Variants in SLC35D4 observed in about 807,000 individuals in gnomAD.
SLC35D4 encodes the protein solute carrier family 35 member D4, also known as UDP-N-acetylglucosamine transporter SLC35D4.
chr18:23,326,629 A>T, the SLC35D4 span, among the ~76,000 whole-genome samples: 1 of 152,196 alleles, frequency 6.6e-6, no homozygotes, highest in Non-Finnish European at 1.5e-5. Context: ...CACTGTCAAT[A>T]TTAAACAGAT....
chr18:23,373,270 G>A, the SLC35D4 span, among the ~76,000 whole-genome samples: 775 of 152,184 alleles, frequency 5.1e-3, 10 homozygotes, highest in African/African-American at 0.018. Flanking sequence ...AGCTGAGATC[G>A]TGCCACTCCA....
the SLC35D4 span, among the ~76,000 whole-genome samples, chr18:23,318,478 G>A: frequency 7.9e-5 from 12 of 152,066 alleles, no homozygotes; most frequent in African/African-American, 2.9e-4. Context: ...ATGTGCCATG[G>A]TCATATTTTA....
At chr18:23,351,052 A>G in the SLC35D4 span, among the ~76,000 whole-genome samples, 1 of 152,168 alleles carries the variant, frequency 6.6e-6, no homozygotes, top group Non-Finnish European at 1.5e-5. Context: ...CATGCCAGAA[A>G]TCAATATCTC....
At chr18:23,321,350 C>T in the SLC35D4 span, among the ~76,000 whole-genome samples, 1 of 152,064 alleles carries the variant, frequency 6.6e-6, no homozygotes, top group Non-Finnish European at 1.5e-5. Flanking sequence ...TTTTTTTATA[C>T]GTGCAAAAAC....
the SLC35D4 span, among the ~76,000 whole-genome samples, chr18:23,386,867 G>T: frequency 1.3e-5 from 2 of 152,194 alleles, no homozygotes; most frequent in Non-Finnish European, 2.9e-5. Context: ...CCTTGACAAG[G>T]TGAGGGGGGA....
chr18:23,411,543 AAG>A, the SLC35D4 span, among the ~76,000 whole-genome samples: 1 of 149,482 alleles, frequency 6.7e-6, no homozygotes, highest in African/African-American at 2.5e-5. Context: ...GAAAGAAAGA[AAG>A]AAAGAAAGGT....
chr18:23,391,563 C>T, the SLC35D4 span, among the ~76,000 whole-genome samples: 2 of 152,230 alleles, frequency 1.3e-5, no homozygotes, highest in Non-Finnish European at 2.9e-5. Context: ...TCATAACTCA[C>T]TGCAGACTCA....
chr18:23,279,106 A>T, the SLC35D4 span, among the ~76,000 whole-genome samples: 1 of 152,074 alleles, frequency 6.6e-6, no homozygotes, highest in African/African-American at 2.4e-5. Flanking sequence ...CTTCACAGAG[A>T]TTCAGGCTCC....
chr18:23,363,974 C>T, the SLC35D4 span, among the ~76,000 whole-genome samples: 1 of 152,182 alleles, frequency 6.6e-6, no homozygotes, highest in Admixed American at 6.5e-5. Context: ...TTTCATATGG[C>T]AAGCGGAGTG....
the SLC35D4 span, among the ~76,000 whole-genome samples, chr18:23,315,224 AAC>A: frequency 6.6e-6 from 1 of 152,184 alleles, no homozygotes; most frequent in Non-Finnish European, 1.5e-5. Flanking sequence ...CAATTTTTCA[AAC>A]ACAGTTTCCT....
chr18:23,274,274 A>G, the SLC35D4 span, among the ~76,000 whole-genome samples: 3 of 152,178 alleles, frequency 2.0e-5, no homozygotes, highest in Non-Finnish European at 2.9e-5. Context: ...CTGAGGCTCA[A>G]TGGGCCATTC....
the SLC35D4 span, among the ~76,000 whole-genome samples, chr18:23,313,911 G>A: frequency 2.0e-5 from 3 of 152,300 alleles, no homozygotes; most frequent in East Asian, 5.8e-4. Flanking sequence ...CCCAGGGAAG[G>A]GAGCTTTCTA....
chr18:23,265,616 A>G, the SLC35D4 span, among the ~76,000 whole-genome samples: 3 of 151,676 alleles, frequency 2.0e-5, no homozygotes, highest in Non-Finnish European at 4.4e-5. Context: ...CTGGCCTTGA[A>G]GCAGCCCAAT....
the SLC35D4 span, among the ~76,000 whole-genome samples, chr18:23,393,957 T>A: frequency 2.0e-5 from 3 of 152,318 alleles, no homozygotes; most frequent in South Asian, 6.2e-4. Context: ...TATTCATCCA[T>A]CAATGGGCAC....
At chr18:23,268,459 TG>T in the SLC35D4 span, among the ~76,000 whole-genome samples, 1 of 152,164 alleles carries the variant, frequency 6.6e-6, no homozygotes, top group Non-Finnish European at 1.5e-5. Flanking sequence ...TGCAAATCCC[TG>T]GGAATTCTGG....
chr18:23,266,985 C>A, the SLC35D4 span, among the ~76,000 whole-genome samples: 1 of 151,618 alleles, frequency 6.6e-6, no homozygotes. Context: ...CTAGGCCCCC[C>A]ACTCCAGGGC....
chr18:23,382,255 A>AG, the SLC35D4 span, among the ~76,000 whole-genome samples: 33 of 151,192 alleles, frequency 2.2e-4, no homozygotes, highest in East Asian at 3.9e-4. Flanking sequence ...AAAAAAAAAA[A>AG]AAAGAAAGAA....
chr18:23,374,767 G>C, the SLC35D4 span, among the ~76,000 whole-genome samples: 1 of 152,032 alleles, frequency 6.6e-6, no homozygotes, highest in African/African-American at 2.4e-5. Context: ...TTACAGGCCT[G>C]AGCCAATACA....
At chr18:23,357,040 T>C in the SLC35D4 span, among the ~76,000 whole-genome samples, 2 of 152,204 alleles carry the variant, frequency 1.3e-5, no homozygotes, top group Admixed American at 6.5e-5. Context: ...GGAGCCAGAA[T>C]GTTAACTCCA....
Sources: gnomAD v4.1 joint callset for allele counts (sites outside exome capture counted in the v4.1 genomes callset) on GRCh38, gnomAD v4.1.1 for gene constraint, MANE v1.5 for transcripts, NCBI Gene and HGNC (gene_info 2026-07-23, HGNC 2026-07-21) for gene names.